The following PPP4R3B variants were observed in gnomAD, a reference collection of about 807,000 sequenced individuals.
PPP4R3B encodes the protein protein phosphatase 4 regulatory subunit 3B, also known as serine/threonine-protein phosphatase 4 regulatory subunit 3B.
A neutral mutation model predicts 95.4 loss-of-function variants in PPP4R3B; 52 were observed. That is an observed-to-expected ratio of 0.54 (90% CI 0.44 to 0.69). The LOEUF is 0.69. Among genes scored for constraint, PPP4R3B ranks in the 30% least tolerant of loss-of-function variants. The pLI, the probability that PPP4R3B is intolerant of heterozygous loss-of-function variation, is 0.00. For missense variants in PPP4R3B, 1,003 were observed against 1,005.9 expected (o/e 1.00, Z 0.04); for synonymous variants, 407 against 343.9 (o/e 1.18, Z -2.03).
At chr2:55,553,616 C>G (rs998370723) in intron 16 of PPP4R3B, among the ~76,000 whole-genome samples, 33 of 152,080 alleles carry the variant, frequency 2.2e-4, no homozygotes, top group African/African-American at 7.2e-4. Context: ...CACCACCCCC[C>G]ACACCACCCA....
chr2:55,556,764 CT>C (rs1181160096), intron 16 of PPP4R3B, among the ~76,000 whole-genome samples: 2 of 152,156 alleles, frequency 1.3e-5, no homozygotes, highest in South Asian at 2.1e-4. Context: ...TACCTTACCC[CT>C]TTTTAAAACA....
At chr2:55,595,954 T>TA (rs1267094629) in intron 4 of PPP4R3B, among the ~76,000 whole-genome samples, 1 of 152,178 alleles carries the variant, frequency 6.6e-6, no homozygotes, top group Non-Finnish European at 1.5e-5. Flanking sequence ...AGGCTACTGT[T>TA]ACAAGTAAGA....
chr2:55,600,823 C>G (rs1692462606), intron 3 of PPP4R3B, among the ~76,000 whole-genome samples: 1 of 151,718 alleles, frequency 6.6e-6, no homozygotes, highest in Admixed American at 6.6e-5. Flanking sequence ...GGGAAAAAAA[C>G]ATGAAAAAAT....
chr2:55,593,600 A>G (rs936778838), intron 4 of PPP4R3B, among the ~76,000 whole-genome samples: 6 of 152,190 alleles, frequency 3.9e-5, no homozygotes, highest in East Asian at 1.9e-4. Flanking sequence ...ACTTTAGGAA[A>G]TAAGTGCTTA....
intron 4 of PPP4R3B, among the ~76,000 whole-genome samples, chr2:55,590,909 T>C (rs1010926513): frequency 6.6e-6 from 1 of 152,196 alleles, no homozygotes; most frequent in African/African-American, 2.4e-5. Context: ...GAGTATAACA[T>C]GCTCTTCTAC....
intron 5 of PPP4R3B, among the ~76,000 whole-genome samples, chr2:55,587,650 C>T (rs902035462): frequency 1.3e-5 from 2 of 152,196 alleles, no homozygotes; most frequent in Non-Finnish European, 2.9e-5. Flanking sequence ...ACTCTTTAAA[C>T]ACATTCAGTG....
At chr2:55,567,127 G>GT (rs1687414537) in intron 13 of PPP4R3B, among the ~76,000 whole-genome samples, 1 of 152,198 alleles carries the variant, frequency 6.6e-6, no homozygotes, top group African/African-American at 2.4e-5. Context: ...TGGTTCTACA[G>GT]TTATCTGTTG....
At chr2:55,555,278 TAA>T (rs372423262) in intron 16 of PPP4R3B, among the ~76,000 whole-genome samples, 3 of 108,880 alleles carry the variant, frequency 2.8e-5, no homozygotes, top group Admixed American at 2.1e-4. Context: ...AGACTCCGTC[TAA>T]AAAAAAAAAA....
intron 6 of PPP4R3B, among the ~76,000 whole-genome samples, chr2:55,585,976 G>A (rs1234959276): frequency 6.6e-6 from 1 of 152,048 alleles, no homozygotes; most frequent in Non-Finnish European, 1.5e-5. Context: ...AAATGTAGAA[G>A]CTGCTTTGTG....
Position 55,582,716 on chromosome 2 carries a change from C to T in PPP4R3B, c.1234-1018G>A, listed in dbSNP as rs72803565. ...TCTTAGGTTTGATGGATTCAGTAAA[C>T]GAGAGGAGAGCATAAATCTTTAAAA... is the stretch of plus-strand genomic sequence containing the variant. On this transcript the variant is annotated intron_variant, in intron 7 of 16. Transcript: ENST00000616407. Among the ~76,000 whole-genome samples, 247 of 152,096 alleles carry T rather than the reference C, an allele frequency of 1.6e-3. 2 individuals are homozygous for T. In the Middle Eastern group the frequency reaches 0.024, roughly 15 times the overall value.
intron 12 of PPP4R3B, among the ~76,000 whole-genome samples, chr2:55,569,755 C>T (rs982413527): frequency 3.3e-5 from 5 of 152,056 alleles, no homozygotes; most frequent in African/African-American, 9.7e-5. Context: ...CCGGTCTCCG[C>T]GTCTTGGTGG....
intron 4 of PPP4R3B, 148 bp from the exon 5 acceptor site, chr2:55,589,104 A>G (rs778774034): frequency 1.8e-6 from 1 of 541,072 alleles, no homozygotes; most frequent in African/African-American, 1.9e-5. Context: ...CTGTGTTACA[A>G]TTTTCTAAAA....
rs547274087 is a variant in PPP4R3B at position 55,602,447 on chromosome 2, T to C, written c.297+1531A>G. ...ATCCTGCTTCATAATAATGTTTACC[T>C]GGGGGACTTCACCTATGCCAGACAT... On this transcript the variant is annotated intron_variant, in intron 3 of 16. Coordinates refer to ENST00000616407, the MANE Select transcript of PPP4R3B (RefSeq NM_001122964.3). Among the ~76,000 whole-genome samples the C allele has an allele frequency of 2.0e-5, 3 of 152,304 alleles. No homozygotes were observed. In the East Asian group the frequency reaches 5.8e-4, roughly 29 times the overall value.
At position 55,573,781 on chromosome 2, in the gene PPP4R3B, C is replaced by A. The variant is rs1688294776; in HGVS notation, c.1607-4G>T. The A allele has an allele frequency of 3.4e-6, 5 of 1,470,728 alleles. No individual in the cohort carries two copies. The highest frequency in any genetic ancestry group is 5.7e-5 in the Admixed American group (2 of 35,224). 91.1% of individuals were successfully genotyped at this position (1,470,728 alleles called of 1,614,324 possible). On this transcript the variant is annotated splice_region_variant and splice_polypyrimidine_tract_variant and intron_variant, in intron 11 of 16. Coordinates refer to ENST00000616407, the MANE Select transcript of PPP4R3B (RefSeq NM_001122964.3). ...AGCTGTGCTGTTTGATAATTATCTA[C>A]AAAAGAAAGTAATCTCATGAAAATA...
Position 55,588,878 on chromosome 2 carries a change from C to A in PPP4R3B, c.999+1G>T. On this transcript the variant is annotated splice_donor_variant, in intron 5 of 16. Transcript: ENST00000616407. LOFTEE classifies it high-confidence loss of function. ...TTAAGAGTTTGAATTTCATAACTTA[C>A]CAATTCACGCCGTTTATCATCATCT... is the stretch of plus-strand genomic sequence containing the variant. The A allele has an allele frequency of 1.2e-6, 2 of 1,600,040 alleles. No homozygotes were observed. The highest frequency in any genetic ancestry group is 1.7e-6 in the Non-Finnish European group (2 of 1,170,410).
rs1685047037 is a variant in PPP4R3B, at chr2:55,549,876, TA to T, written c.*34del. On this transcript the variant is annotated 3_prime_UTR_variant, in exon 17 of 17. Coordinates refer to ENST00000616407, the MANE Select transcript of PPP4R3B (RefSeq NM_001122964.3). The stretch of plus-strand genomic sequence containing the variant: ...AGCTCACTGAACAGTTGCAGCATTG[TA>T]AGACCACATGTTGAGGGTCCCCTAA... 2 of 1,475,938 alleles carry T rather than the reference TA, an allele frequency of 1.4e-6. No individual in the cohort carries two copies. Among genetic ancestry groups the T allele is most frequent in the Non-Finnish European group, 1.9e-6 (2 of 1,054,404 alleles). The allele number at this position is 1,475,938 out of a possible 1,614,324, so 91.4% of individuals were successfully genotyped here. A position where few individuals can be genotyped will look rare whatever the true frequency, so the allele number is the denominator to read the frequency against.
intron 14 of PPP4R3B, 96 bp downstream of exon 14, chr2:55,564,806 G>C: frequency 6.8e-7 from 1 of 1,460,828 alleles, no homozygotes. Context: ...GTGATGGAAA[G>C]AAAATTCCTC....
At chr2:55,601,327 G>T (rs934745847) in intron 3 of PPP4R3B, among the ~76,000 whole-genome samples, 1 of 151,772 alleles carries the variant, frequency 6.6e-6, no homozygotes, top group Admixed American at 6.6e-5. Flanking sequence ...GAGTGACACT[G>T]CTCTGGGAGA....
At chr2:55,550,281 T>A (rs1685106677) in intron 16 of PPP4R3B, among the ~76,000 whole-genome samples, 1 of 152,204 alleles carries the variant, frequency 6.6e-6, no homozygotes, top group African/African-American at 2.4e-5. Flanking sequence ...GGAAAATGTC[T>A]ACTTTTCCAA....
Sources: gnomAD v4.1 joint callset for allele counts (sites outside exome capture counted in the v4.1 genomes callset) on GRCh38, gnomAD v4.1.1 for gene constraint, MANE v1.5 for transcripts, NCBI Gene and HGNC (gene_info 2026-07-23, HGNC 2026-07-21) for gene names.